GRM8: variants seen among roughly 807,000 people sequenced by gnomAD.
GRM8 encodes the protein glutamate metabotropic receptor 8.
A neutral mutation model predicts 87.2 loss-of-function variants in GRM8; 47 were observed. That is an observed-to-expected ratio of 0.54 (90% CI 0.43 to 0.69). The LOEUF (loss-of-function observed/expected upper bound fraction) is 0.69, where lower values mean the gene tolerates loss of function less well. GRM8 is among the 30% of genes least tolerant of loss of function. The probability of loss-of-function intolerance (pLI) is 0.00; values close to 1 mark genes in which losing one functional copy is unlikely to be tolerated. For missense variants in GRM8, 1,019 were observed against 1,139.2 expected (o/e 0.89, Z 1.52); for synonymous variants, 396 against 404.5 (o/e 0.98, Z 0.25).
chr7:126,857,565 C>T (rs1563254620), intron 6 of GRM8, among the ~76,000 whole-genome samples: 1 of 152,198 alleles, frequency 6.6e-6, no homozygotes, highest in Non-Finnish European at 1.5e-5. Context: ...CTTGTGCCTA[C>T]AAAATCATTT....
chr7:127,014,403 C>T (rs1485853083), intron 3 of GRM8, among the ~76,000 whole-genome samples: 1 of 152,118 alleles, frequency 6.6e-6, no homozygotes, highest in Non-Finnish European at 1.5e-5. Flanking sequence ...TCAGAATAGC[C>T]TTCTACAAAT....
intron 3 of GRM8, among the ~76,000 whole-genome samples, chr7:127,027,458 T>C (rs1332473476): frequency 2.0e-5 from 3 of 152,216 alleles, no homozygotes; most frequent in East Asian, 1.9e-4. Flanking sequence ...TAATTCTTCC[T>C]ATCCATGAGC....
chr7:126,724,704 A>G (rs1158371393), intron 7 of GRM8, among the ~76,000 whole-genome samples: 1 of 151,872 alleles, frequency 6.6e-6, no homozygotes, highest in African/African-American at 2.4e-5. Context: ...ATTTTAAAAT[A>G]TGTGCCTGAA....
At chr7:126,985,018 CCACACACACACACAA>C (rs1811908565) in intron 3 of GRM8, among the ~76,000 whole-genome samples, 1 of 151,166 alleles carries the variant, frequency 6.6e-6, no homozygotes. Context: ...AATTCTTCCA[CCACACACACACACAA>C]CACACACACA....
At chr7:126,648,846 G>A (rs1295908833) in intron 7 of GRM8, among the ~76,000 whole-genome samples, 2 of 152,136 alleles carry the variant, frequency 1.3e-5, no homozygotes, top group Non-Finnish European at 2.9e-5. Context: ...CTTAGATGAA[G>A]AATATAGGGA....
intron 7 of GRM8, among the ~76,000 whole-genome samples, chr7:126,633,775 T>TATATTTACCATATAA (rs1189101609): frequency 6.8e-6 from 1 of 147,254 alleles, no homozygotes; most frequent in African/African-American, 2.6e-5. Context: ...TTAATCTATT[T>TATATTTACCATATAA]ATATGTACCA....
intron 6 of GRM8, among the ~76,000 whole-genome samples, chr7:126,857,977 G>A (rs1398935859): frequency 1.3e-5 from 2 of 151,440 alleles, no homozygotes; most frequent in African/African-American, 4.9e-5. Flanking sequence ...TAAAAGGAAG[G>A]AAGGAAGAGA....
intron 6 of GRM8, among the ~76,000 whole-genome samples, chr7:126,808,500 T>C (rs1312121096): frequency 6.6e-6 from 1 of 152,190 alleles, no homozygotes; most frequent in African/African-American, 2.4e-5. Flanking sequence ...GTAATATAGA[T>C]GGTCAACCTG....
intron 3 of GRM8, among the ~76,000 whole-genome samples, chr7:126,972,288 T>A (rs1049802471): frequency 4.6e-5 from 7 of 152,172 alleles, no homozygotes; most frequent in Non-Finnish European, 5.9e-5. Flanking sequence ...AAAAATCAAA[T>A]TGCTTATTTT....
chr7:126,970,286 A>G (rs985900073), intron 3 of GRM8, among the ~76,000 whole-genome samples: 6 of 152,126 alleles, frequency 3.9e-5, no homozygotes, highest in African/African-American at 1.4e-4. Context: ...ACATCTTCCA[A>G]TAGAAGGCTG....
intron 2 of GRM8, among the ~76,000 whole-genome samples, chr7:127,124,440 C>G (rs1181446706): frequency 6.6e-6 from 1 of 152,118 alleles, no homozygotes; most frequent in African/African-American, 2.4e-5. Context: ...CTAGATATTC[C>G]TTCTTTGTCA....
intron 7 of GRM8, among the ~76,000 whole-genome samples, chr7:126,667,351 T>C (rs1055989980): frequency 6.6e-6 from 1 of 152,208 alleles, no homozygotes; most frequent in African/African-American, 2.4e-5. Context: ...TAAAGCTTAA[T>C]TGGGGTGTCA....
chr7:126,607,487 T>A (rs2151093794), intron 8 of GRM8, among the ~76,000 whole-genome samples: 1 of 152,246 alleles, frequency 6.6e-6, no homozygotes, highest in African/African-American at 2.4e-5. Context: ...AATATCAAAT[T>A]GATGTCTTCT....
At chr7:127,167,719 T>G (rs768016605) in intron 2 of GRM8, among the ~76,000 whole-genome samples, 163 of 152,250 alleles carry the variant, frequency 1.1e-3, no homozygotes, top group Admixed American at 2.6e-3. Flanking sequence ...TCATCACTGC[T>G]CCACTGATCA....
At chr7:127,116,377 A>G (rs1826701825) in intron 2 of GRM8, among the ~76,000 whole-genome samples, 1 of 148,262 alleles carries the variant, frequency 6.7e-6, no homozygotes, top group Non-Finnish European at 1.5e-5. Flanking sequence ...TTATTAATTC[A>G]TTCAACAAAT....
intron 2 of GRM8, among the ~76,000 whole-genome samples, chr7:127,141,357 A>G (rs1828246281): frequency 6.6e-6 from 1 of 151,544 alleles, no homozygotes; most frequent in African/African-American, 2.4e-5. Flanking sequence ...ATTCATGTTC[A>G]ATTAATTCTT....
intron 3 of GRM8, among the ~76,000 whole-genome samples, chr7:127,105,736 A>G (rs1370821593): frequency 6.6e-6 from 1 of 152,238 alleles, no homozygotes; most frequent in Non-Finnish European, 1.5e-5. Flanking sequence ...TAACAACAAC[A>G]TACTTAATTC....
intron 3 of GRM8, among the ~76,000 whole-genome samples, chr7:126,955,164 T>C (rs1056581635): frequency 1.3e-5 from 2 of 152,158 alleles, no homozygotes; most frequent in African/African-American, 2.4e-5. Context: ...CATTTATTAC[T>C]AGCCTTTTTT....
At chr7:126,978,672 G>A (rs1811240006) in intron 3 of GRM8, among the ~76,000 whole-genome samples, 1 of 152,200 alleles carries the variant, frequency 6.6e-6, no homozygotes. Flanking sequence ...ACCAAGTCAA[G>A]TGTTAGATAG....
Sources: allele counts gnomAD v4.1 joint callset (sites outside exome capture counted in the v4.1 genomes callset), GRCh38; gene constraint gnomAD v4.1.1; transcripts MANE v1.5; gene names NCBI Gene and HGNC (gene_info 2026-07-23, HGNC 2026-07-21).